The following ABCA12 variants were observed in gnomAD, a reference collection of about 807,000 sequenced individuals.
The protein encoded by ABCA12 is ATP binding cassette subfamily A member 12, also known as glucosylceramide transporter ABCA12.
A neutral mutation model predicts 293.5 loss-of-function variants in ABCA12; 156 were observed. That is an observed-to-expected ratio of 0.53 (90% CI 0.47 to 0.61). The LOEUF (loss-of-function observed/expected upper bound fraction) is 0.61. Among genes scored for constraint, ABCA12 ranks in the 20% least tolerant of loss-of-function variants. The probability of loss-of-function intolerance (pLI) is 0.00; values close to 1 mark genes in which losing one functional copy is unlikely to be tolerated. For synonymous variants in ABCA12, 1,063 were observed against 1,108.0 expected (o/e 0.96, Z 0.81); for missense variants, 2,797 against 3,090.2 (o/e 0.91, Z 2.25).
Position 214,986,746 on chromosome 2 carries a change from G to A in ABCA12, c.3977-18C>T, listed in dbSNP as rs1377727599. On this transcript the variant is annotated intron_variant, in intron 27 of 52. Transcript: ENST00000272895. ...TTCAGGACCTGGAGAGAAATCAAGG[G>A]AAGAGTTGTAAACTCACAAGTAAGG... 1.2e-6 allele frequency: 2 copies of A among 1,612,538 alleles called. No individual in the cohort carries two copies. Among genetic ancestry groups the A allele is most frequent in the African/African-American group, 2.7e-5 (2 of 75,002 alleles).
chr2:214,966,094 A>G (rs553504855), intron 39 of ABCA12, among the ~76,000 whole-genome samples: 8 of 152,312 alleles, frequency 5.3e-5, no homozygotes, highest in South Asian at 2.1e-4. Context: ...AGGGAGATGG[A>G]TGGAGCTGGA....
At chr2:215,007,592 CCTT>C (rs1700281647) in intron 19 of ABCA12, 132 bp downstream of exon 19, 1 of 1,162,998 alleles carries the variant, frequency 8.6e-7, no homozygotes, top group African/African-American at 1.5e-5. Context: ...CTGTCTCAGA[CCTT>C]CTCTCTGGAA....
rs551769107 is a variant in ABCA12 at position 214,967,163 on chromosome 2, G to C, written c.5779-210C>G. 4.3e-4 allele frequency among the ~76,000 whole-genome samples: 66 copies of C among 152,260 alleles called. 1 individual carries two copies. In the South Asian group the frequency reaches 0.01, roughly 24 times the overall value. ...TAGAAACAGGCAGAAATTGGGAAGAGAGTTGTTCTGTGGATAGCACTAAAT... is the reference window on the plus strand; with the variant it reads ...TAGAAACAGGCAGAAATTGGGAAGACAGTTGTTCTGTGGATAGCACTAAAT... On this transcript the variant is annotated intron_variant, in intron 38 of 52. Coordinates refer to ENST00000272895, the MANE Select transcript of ABCA12 (RefSeq NM_173076.3).
chr2:215,013,776 T>C (rs1307223979), intron 15 of ABCA12, among the ~76,000 whole-genome samples: 1 of 152,232 alleles, frequency 6.6e-6, no homozygotes, highest in African/African-American at 2.4e-5. Flanking sequence ...AGTTAATGGG[T>C]ATTTGCTTCA....
At chr2:215,135,160 T>C (rs1328428933) in intron 1 of ABCA12, among the ~76,000 whole-genome samples, 1 of 152,096 alleles carries the variant, frequency 6.6e-6, no homozygotes, top group East Asian at 1.9e-4. Flanking sequence ...AGTTTTGCCA[T>C]ATTGGCCAGG....
At chr2:215,017,224 T>G (rs1190041563) in intron 14 of ABCA12, among the ~76,000 whole-genome samples, 1 of 152,226 alleles carries the variant, frequency 6.6e-6, no homozygotes, top group East Asian at 1.9e-4. Flanking sequence ...TGACACACTC[T>G]GTCACACATA....
In ABCA12 at chr2:215,033,711, G is replaced by A. The variant is rs142442279; in HGVS notation, c.986-1815C>T. Among the ~76,000 whole-genome samples the A allele has an allele frequency of 9.2e-3, 1,396 of 152,196 alleles. 17 individuals are homozygous for A. Among genetic ancestry groups the A allele is most frequent in the African/African-American group, 0.031 (1,295 of 41,524 alleles). ...AATCCCAGCATTTTGGGAGGTCGAGGTGGGCACATCACGAGGTCAGGAGAT... is the reference window on the plus strand; with the variant it reads ...AATCCCAGCATTTTGGGAGGTCGAGATGGGCACATCACGAGGTCAGGAGAT... On this transcript the variant is annotated intron_variant, in intron 8 of 52. Coordinates refer to ENST00000272895, the MANE Select transcript of ABCA12 (RefSeq NM_173076.3).
At chr2:215,010,999 T>G (rs1016662670) in intron 17 of ABCA12, among the ~76,000 whole-genome samples, 6 of 152,218 alleles carry the variant, frequency 3.9e-5, no homozygotes, top group Non-Finnish European at 8.8e-5. Context: ...ACGGTTCTGC[T>G]GCAGTCATGC....
At chr2:215,120,087 A>G (rs1702773829) in intron 1 of ABCA12, among the ~76,000 whole-genome samples, 1 of 152,244 alleles carries the variant, frequency 6.6e-6, no homozygotes, top group Non-Finnish European at 1.5e-5. Context: ...ATAGCCATGA[A>G]AAAGAATGAA....
At chr2:215,071,075 C>T (rs1005978853) in intron 2 of ABCA12, among the ~76,000 whole-genome samples, 2 of 151,548 alleles carry the variant, frequency 1.3e-5, no homozygotes, top group Admixed American at 6.6e-5. Flanking sequence ...TATGTGCCTG[C>T]AGTCCCACCT....
intron 8 of ABCA12, among the ~76,000 whole-genome samples, chr2:215,035,558 CG>C (rs1375247865): frequency 6.7e-6 from 1 of 149,030 alleles, no homozygotes; most frequent in Non-Finnish European, 1.5e-5. Context: ...CCCAGCTACT[CG>C]GGAGGCTGAG....
chr2:215,025,882 A>G (rs1009389013), intron 10 of ABCA12, 103 bp from the exon 11 acceptor site: 10 of 769,530 alleles, frequency 1.3e-5, no homozygotes, highest in Non-Finnish European at 2.0e-5. Flanking sequence ...AATTTTTCCT[A>G]AGATAATAGC....
chr2:215,008,281 G>A (rs11678820), intron 18 of ABCA12, among the ~76,000 whole-genome samples: 151,741 of 152,300 alleles, frequency 1, 75,593 homozygotes, highest in East Asian at 1. Flanking sequence ...AAAATAAAAT[G>A]CAATATCCTT....
At chr2:215,077,795 T>G (rs1701861603) in intron 2 of ABCA12, among the ~76,000 whole-genome samples, 1 of 152,232 alleles carries the variant, frequency 6.6e-6, no homozygotes, top group Admixed American at 6.5e-5. Flanking sequence ...TGTGCTCTCA[T>G]TTTACATATT....
At chr2:214,996,643 T>C (rs1465828003) in intron 23 of ABCA12, among the ~76,000 whole-genome samples, 1 of 152,106 alleles carries the variant, frequency 6.6e-6, no homozygotes, top group East Asian at 1.9e-4. Flanking sequence ...ATAACTGAAA[T>C]ATAAAAATGC....
chr2:215,092,335 C>T (rs1310341251), intron 2 of ABCA12, among the ~76,000 whole-genome samples: 1 of 152,118 alleles, frequency 6.6e-6, no homozygotes, highest in African/African-American at 2.4e-5. Flanking sequence ...TCCCCCTGCC[C>T]AGTTCCCTTA....
At chr2:215,042,485 A>G (rs1173823881) in intron 7 of ABCA12, 2 of 152,050 alleles carry the variant, frequency 1.3e-5, no homozygotes, top group Non-Finnish European at 2.9e-5. Flanking sequence ...GGACTCAAGC[A>G]ATTTTCTCAT....
intron 47 of ABCA12, among the ~76,000 whole-genome samples, 180 bp downstream of exon 47, chr2:214,948,416 A>G (rs1403088542): frequency 2.0e-5 from 3 of 151,040 alleles, no homozygotes; most frequent in Admixed American, 6.6e-5. Flanking sequence ...TATAATGCAC[A>G]TGACCAAACT....
rs1273238895 is a variant in ABCA12, at chr2:215,007,957, A to G, written c.2473-111T>C. The stretch of plus-strand genomic sequence containing the variant: ...TAACTTCAAAAGACAGTTCTAAAAC[A>G]TGAAGTTAGTACAAACAATTGTCAG... On this transcript the variant is annotated intron_variant, in intron 18 of 52. Transcript: ENST00000272895. The G allele has an allele frequency of 2.2e-5, 31 of 1,383,180 alleles. No homozygotes were observed. The East Asian group carries it at 7.0e-4, about 31-fold the overall frequency. The allele number at this position is 1,383,180 out of a possible 1,614,324, so 85.7% of individuals were successfully genotyped here. A position where few individuals can be genotyped will look rare whatever the true frequency, so the allele number is the denominator to read the frequency against.
Sources: gnomAD v4.1 joint callset for allele counts (sites outside exome capture counted in the v4.1 genomes callset) on GRCh38, gnomAD v4.1.1 for gene constraint, MANE v1.5 for transcripts, NCBI Gene and HGNC (gene_info 2026-07-23, HGNC 2026-07-21) for gene names.